Variants in PNPLA3 observed in about 807,000 individuals in gnomAD.
PNPLA3 encodes the protein patatin like domain 3, 1-acylglycerol-3-phosphate O-acyltransferase, also known as 1-acylglycerol-3-phosphate O-acyltransferase PNPLA3.
Under a neutral mutation model 43.1 loss-of-function variants are expected in PNPLA3, and 42 were observed. The ratio of observed to expected loss-of-function variants is 0.97; its 90% CI spans 0.76 to 1.26. PNPLA3 has a LOEUF of 1.26. PNPLA3 is among the 50% of genes most tolerant of loss of function. PNPLA3 has a pLI of 0.00. For missense variants in PNPLA3, 647 were observed against 621.4 expected (o/e 1.04, Z -0.44); for synonymous variants, 272 against 253.6 (o/e 1.07, Z -0.69).
At chr22:43,940,233 C>T in intron 7 of PNPLA3, 108 bp downstream of exon 7, 3 of 1,298,366 alleles carry the variant, frequency 2.3e-6, no homozygotes, top group South Asian at 2.7e-5. Context: ...TGTCGTGCCA[C>T]AGATCACAGC....
At position 43,946,902 on chromosome 22, in the gene PNPLA3, T is replaced by G; in HGVS notation, c.*520T>G. 3.0e-6 allele frequency: 1 copy of G among 330,664 alleles called. No homozygotes were observed. The highest frequency in any genetic ancestry group is 2.4e-5 in the South Asian group (1 of 41,966). 20.5% of individuals were successfully genotyped at this position (330,664 alleles called of 1,614,324 possible). On this transcript the variant is annotated 3_prime_UTR_variant, in exon 9 of 9. Coordinates refer to ENST00000216180, the MANE Select transcript of PNPLA3 (RefSeq NM_025225.3). ...ACCTTGACTACTAAAAACGTCTCCATGGCGGGGGTAACAAGATGATAATCT... is the reference window on the plus strand; with the variant it reads ...ACCTTGACTACTAAAAACGTCTCCAGGGCGGGGGTAACAAGATGATAATCT...
Position 43,933,074 on chromosome 22 carries a change from C to G in PNPLA3, c.683C>G (p.Pro228Arg). Residue 228 changes from proline (P) to arginine (R), a missense_variant, in exon 4 of 9, where the codon CCC becomes CGC. Transcript: ENST00000216180. The part of the protein sequence containing the change: ...NLYLLSRAFV[P>R]PDLKVLGEIC... The stretch of plus-strand genomic sequence containing the variant: ...TACCTTCTCTCGAGAGCTTTTGTCC[C>G]CCCGGATCTCAAGGTGAGTTGGTGG... 6.2e-7 allele frequency: 1 copy of G among 1,613,670 alleles called. No individual in the cohort carries two copies. The highest frequency in any genetic ancestry group is 1.3e-5 in the African/African-American group (1 of 75,030).
In PNPLA3 at chr22:43,928,986, G is replaced by A. The variant is rs1431509641; in HGVS notation, c.486+97G>A. 2.4e-6 allele frequency: 3 copies of A among 1,265,410 alleles called. 1 individual carries two copies. Among genetic ancestry groups the A allele is most frequent in the Non-Finnish European group, 3.5e-6 (3 of 867,472 alleles). 78.4% of individuals were successfully genotyped at this position (1,265,410 alleles called of 1,614,324 possible). The stretch of plus-strand genomic sequence containing the variant: ...AGGGCACTGGTGTCGGGCACCTCAG[G>A]GTCTGTCCCATGGTGGAGCCCCATG... On this transcript the variant is annotated intron_variant, in intron 3 of 8. Coordinates refer to ENST00000216180, the MANE Select transcript of PNPLA3 (RefSeq NM_025225.3).
rs775975565 is a variant in PNPLA3 at position 43,927,096 on chromosome 22, T to A, written c.349T>A (p.Ser117Thr). The change falls in exon 2 of 9, where the codon TCT becomes ACT. Residue 117 changes from serine to threonine, a missense_variant. Physicochemically the swap from Ser to Thr is moderately conservative, Grantham distance 58. Coordinates refer to ENST00000216180, the MANE Select transcript of PNPLA3 (RefSeq NM_025225.3). ...GCTCATCTCCGGCAAAATAGGCATC[T>A]CTCTTACCAGAGTGTCTGATGGGGA... ...HQLISGKIGI[S>T]LTRVSDGENV... The A allele has an allele frequency of 1.9e-6, 3 of 1,614,118 alleles. No individual in the cohort carries two copies. The highest frequency in any genetic ancestry group is 4.5e-5 in the East Asian group (2 of 44,904).
chr22:43,933,457 G>A (rs905311660), intron 4 of PNPLA3, among the ~76,000 whole-genome samples: 3 of 152,126 alleles, frequency 2.0e-5, no homozygotes, highest in African/African-American at 4.8e-5. Context: ...TGCAATCATA[G>A]CTCACTGAAG....
chr22:43,924,226 A>G, intron 1 of PNPLA3, 128 bp downstream of exon 1: 1 of 1,100,382 alleles, frequency 9.1e-7, no homozygotes, highest in Non-Finnish European at 1.2e-6. Flanking sequence ...GGCGGGGTGC[A>G]TCCCGAGGGC....
intron 7 of PNPLA3, among the ~76,000 whole-genome samples, chr22:43,943,876 C>T (rs1202200132): frequency 6.6e-6 from 1 of 152,126 alleles, no homozygotes; most frequent in Non-Finnish European, 1.5e-5. Context: ...GCAACCTCCA[C>T]CTCCTGGGCT....
intron 6 of PNPLA3, chr22:43,939,536 C>T (rs34352134): frequency 0.17 from 112,740 of 656,630 alleles, 10,664 homozygotes; most frequent in East Asian, 0.39. Context: ...CAGCCTGGGC[C>T]GGGCGCGGTG....
At chr22:43,928,325 T>C (rs552898156) in intron 2 of PNPLA3, among the ~76,000 whole-genome samples, 3 of 152,356 alleles carry the variant, frequency 2.0e-5, no homozygotes, top group East Asian at 1.9e-4. Flanking sequence ...AGCACAGTGC[T>C]TCGCAAAGTG....
intron 3 of PNPLA3, among the ~76,000 whole-genome samples, chr22:43,932,329 A>G (rs907717143): frequency 2.0e-5 from 3 of 152,174 alleles, no homozygotes; most frequent in Non-Finnish European, 2.9e-5. Context: ...TTAAGTCTCA[A>G]AAGTCCCTCC....
chr22:43,936,687 A>T (rs563665738), intron 5 of PNPLA3, among the ~76,000 whole-genome samples: 15 of 152,290 alleles, frequency 9.8e-5, no homozygotes, highest in African/African-American at 3.6e-4. Context: ...GGAGATGATG[A>T]TAGTGGTTTC....
chr22:43,940,868 C>T (rs561339277), intron 7 of PNPLA3, among the ~76,000 whole-genome samples: 15 of 151,506 alleles, frequency 9.9e-5, no homozygotes, highest in East Asian at 1.9e-4. Flanking sequence ...CGGCCGGGCA[C>T]GGTGGCTCAC....
intron 6 of PNPLA3, among the ~76,000 whole-genome samples, chr22:43,938,709 G>C (rs2146787351): frequency 1.3e-5 from 2 of 152,324 alleles, no homozygotes; most frequent in Middle Eastern, 3.4e-3. Flanking sequence ...TTTGACATGA[G>C]ATGTGGGCAG....
intron 4 of PNPLA3, among the ~76,000 whole-genome samples, chr22:43,934,192 C>T (rs1422984023): frequency 2.0e-5 from 3 of 151,976 alleles, no homozygotes; most frequent in Non-Finnish European, 4.4e-5. Flanking sequence ...TGGCGGGCAC[C>T]TGTAATCCCA....
chr22:43,927,192 T>C, intron 2 of PNPLA3, 25 bp downstream of exon 2: 1 of 1,605,438 alleles, frequency 6.2e-7, no homozygotes, highest in Non-Finnish European at 8.5e-7. Context: ...TATCTGGACG[T>C]TGTCAAGTTA....
intron 2 of PNPLA3, among the ~76,000 whole-genome samples, chr22:43,927,852 G>A (rs2049935249): frequency 6.6e-6 from 1 of 152,140 alleles, no homozygotes; most frequent in African/African-American, 2.4e-5. Context: ...CAAGTAATCT[G>A]CCCACCTCTG....
At position 43,946,562 on chromosome 22, in the gene PNPLA3, C is replaced by T. The variant is rs1195199019; in HGVS notation, c.*180C>T. 1.4e-6 allele frequency: 1 copy of T among 716,834 alleles called. No homozygotes were observed. Among genetic ancestry groups the T allele is most frequent in the Non-Finnish European group, 2.5e-6 (1 of 396,436 alleles). The allele number at this position is 716,834 out of a possible 1,614,324, so 44.4% of individuals were successfully genotyped here. A position where few individuals can be genotyped will look rare whatever the true frequency, so the allele number is the denominator to read the frequency against. On this transcript the variant is annotated 3_prime_UTR_variant, in exon 9 of 9. Transcript: ENST00000216180. ...GCAACCTTTCGCCTGTGCAGCGGTC[C>T]AGCACTTAACTCTAATACATCAGCA...
Position 43,947,104 on chromosome 22 carries a change from A to G in PNPLA3, c.*722A>G, listed in dbSNP as rs1457645276. 1 of 196,940 alleles carries G rather than the reference A, an allele frequency of 5.1e-6. No individual in the cohort carries two copies. The highest frequency in any genetic ancestry group is 2.4e-5 in the African/African-American group (1 of 41,640). The allele number at this position is 196,940 out of a possible 1,614,324, so 12.2% of individuals were successfully genotyped here. A position where few individuals can be genotyped will look rare whatever the true frequency, so the allele number is the denominator to read the frequency against. On this transcript the variant is annotated 3_prime_UTR_variant, in exon 9 of 9. Transcript: ENST00000216180. ...TTGGGTGCAGTGGCACACGGCTGTA[A>G]TCCCAGCACTTTGGGAGGCCAAGGT...
At chr22:43,927,525 A>G (rs376790154) in intron 2 of PNPLA3, among the ~76,000 whole-genome samples, 14 of 151,262 alleles carry the variant, frequency 9.3e-5, no homozygotes, top group African/African-American at 2.7e-4. Flanking sequence ...TTTGTTTTGG[A>G]AGCAACACAG....
Sources: allele counts gnomAD v4.1 joint callset (sites outside exome capture counted in the v4.1 genomes callset), GRCh38; gene constraint gnomAD v4.1.1; transcripts MANE v1.5; gene names NCBI Gene and HGNC (gene_info 2026-07-23, HGNC 2026-07-21).